CFAP46: variants seen among roughly 807,000 people sequenced by gnomAD.
The protein encoded by CFAP46 is cilia and flagella associated protein 46.
In CFAP46, 245 loss-of-function variants were observed where a neutral mutation model predicts 325.7. That is an observed-to-expected ratio of 0.75 (90% CI 0.68 to 0.84). The LOEUF is 0.84. Ranked by LOEUF, CFAP46 falls within the 40% of genes least tolerant of loss-of-function variation. The pLI, the probability that CFAP46 is intolerant of heterozygous loss-of-function variation, is 0.00. For synonymous variants in CFAP46, 1,523 were observed against 1,495.9 expected (o/e 1.02, Z -0.42); for missense variants, 3,346 against 3,543.0 (o/e 0.94, Z 1.41).
intron 35 of CFAP46, 48 bp from the exon 36 acceptor site, chr10:132,861,030 G>A: frequency 6.6e-7 from 1 of 1,519,860 alleles, no homozygotes; most frequent in African/African-American, 1.4e-5. Context: ...ACAGATGTGT[G>A]CAGGCAGGGA....
chr10:132,921,146 C>T (rs1297628685), intron 13 of CFAP46, among the ~76,000 whole-genome samples: 3 of 152,224 alleles, frequency 2.0e-5, no homozygotes, highest in South Asian at 2.1e-4. Context: ...GCTCCACTCC[C>T]GACCACCATC....
chr10:132,912,804 C>T lies in CFAP46; in HGVS notation c.2350G>A (p.Val784Met). The part of the protein sequence containing the change: ...TGHSGDPVML[V>M]TLCNTLARGL... ...CGCGCCAAGGTGTTGCAGAGCGTCA[C>T]CAGCATCACGGGGTCCCTGGGAGAC... The change falls in exon 19 of 58, where the codon GTG (valine) becomes ATG (methionine). Residue 784 changes from valine to methionine, a missense_variant. Val to Met is a conservative substitution (Grantham distance 21). Transcript: ENST00000368586. 2 of 1,549,176 alleles carry T rather than the reference C, an allele frequency of 1.3e-6. No homozygotes were observed. The highest frequency in any genetic ancestry group is 8.7e-7 in the Non-Finnish European group (1 of 1,146,616).
At chr10:132,809,031 C>G (rs1452341870) in intron 57 of CFAP46, 127 bp from the exon 58 acceptor site, 1 of 993,166 alleles carries the variant, frequency 1.0e-6, no homozygotes, top group African/African-American at 1.7e-5. Context: ...GAACACACTG[C>G]CATTCGCCAG....
At chr10:132,900,600 G>C (rs1849380449) in intron 22 of CFAP46, among the ~76,000 whole-genome samples, 1 of 152,386 alleles carries the variant, frequency 6.6e-6, no homozygotes, top group East Asian at 1.9e-4. Context: ...GGAAGGCGCT[G>C]CCCCTTGGCC....
chr10:132,847,326 G>GAC lies in CFAP46; in HGVS notation c.5953-7_5953-6dup. 1 of 1,613,400 alleles carries GAC rather than the reference G, an allele frequency of 6.2e-7. No individual in the cohort carries two copies. Among genetic ancestry groups the GAC allele is most frequent in the African/African-American group, 1.3e-5 (1 of 75,004 alleles). On this transcript the variant is annotated splice_region_variant and splice_polypyrimidine_tract_variant and intron_variant, in intron 41 of 57. Coordinates refer to ENST00000368586, the MANE Select transcript of CFAP46 (RefSeq NM_001200049.3). The surrounding 1 kb of genome is among the most constrained non-coding windows in gnomAD (Gnocchi z 5.2). ...GCCGCTCAGCTTGGCGCCCACCTGTGACACACATTGCAGGTTGGCAGACAC... is the reference window on the plus strand; with the variant it reads ...GCCGCTCAGCTTGGCGCCCACCTGTGACACACACATTGCAGGTTGGCAGACAC...
At chr10:132,814,382 G>T in intron 53 of CFAP46, 128 bp from the exon 54 acceptor site, 2 of 1,025,434 alleles carry the variant, frequency 2.0e-6, no homozygotes, top group Non-Finnish European at 2.9e-6. Flanking sequence ...ATGCCCGGGT[G>T]GGGTGATGGT....
chr10:132,924,904 G>C lies in CFAP46; in HGVS notation c.1066-18C>G, dbSNP rs1275009000. ...AGCTGGGCCTGCGGAGAAGACGTGG[G>C]GGATTCTAGGGAGGTTGCTGGCTCG... On this transcript the variant is annotated intron_variant, in intron 10 of 57. Transcript: ENST00000368586. The C allele has an allele frequency of 7.3e-7, 1 of 1,365,026 alleles. No individual in the cohort carries two copies. The highest frequency in any genetic ancestry group is 9.5e-7 in the Non-Finnish European group (1 of 1,052,186). 84.6% of individuals were successfully genotyped at this position (1,365,026 alleles called of 1,614,324 possible).
At chr10:132,922,969 C>T (rs375008804) in intron 11 of CFAP46, among the ~76,000 whole-genome samples, 4 of 152,252 alleles carry the variant, frequency 2.6e-5, no homozygotes, top group African/African-American at 7.2e-5. Context: ...GAAACCTGGG[C>T]GCTAGTGCAA....
At chr10:132,868,149 C>T (rs1383777009) in intron 33 of CFAP46, among the ~76,000 whole-genome samples, 1 of 152,180 alleles carries the variant, frequency 6.6e-6, no homozygotes, top group Non-Finnish European at 1.5e-5. Context: ...TCTGCCCAGG[C>T]CTCCCCGGCC....
At chr10:132,912,031 G>A (rs1227229901) in intron 19 of CFAP46, among the ~76,000 whole-genome samples, 1 of 152,062 alleles carries the variant, frequency 6.6e-6, no homozygotes, top group African/African-American at 2.4e-5. Flanking sequence ...GGCCTTTCCA[G>A]GAGCCTTCAG....
chr10:132,824,063 A>C (rs1394891133), intron 50 of CFAP46, among the ~76,000 whole-genome samples: 5 of 82,854 alleles, frequency 6.0e-5, no homozygotes, highest in South Asian at 4.7e-4. Flanking sequence ...GTGTGTGCTG[A>C]TGTGTGCTGA....
In CFAP46 at chr10:132,879,629, C is replaced by A; in HGVS notation, c.3802G>T (p.Glu1268Ter). ...VPEPQPTPDG[E>*]YVAVEMPPRS... ...GGGGGCATCTCCACAGCCACGTACTCCCCTGAAACACGGGGTGCCCGAGGC... is the reference window on the plus strand; with the variant it reads ...GGGGGCATCTCCACAGCCACGTACTACCCTGAAACACGGGGTGCCCGAGGC... Residue 1268 changes from glutamate (E) to a stop codon, truncating the protein, a stop_gained and splice_region_variant, in exon 29 of 58, where the codon GAG (glutamate) becomes TAG (stop). Transcript: ENST00000368586. LOFTEE classifies it high-confidence loss of function. 3.3e-6 allele frequency: 5 copies of A among 1,518,142 alleles called. No individual in the cohort carries two copies. The highest frequency in any genetic ancestry group is 1.3e-5 in the South Asian group (1 of 79,398). 94.0% of individuals were successfully genotyped at this position (1,518,142 alleles called of 1,614,324 possible). A position where few individuals can be genotyped will look rare whatever the true frequency, so the allele number is the denominator to read the frequency against.
chr10:132,914,060 G>T (rs1024765361), intron 17 of CFAP46, among the ~76,000 whole-genome samples: 2 of 146,014 alleles, frequency 1.4e-5, no homozygotes, highest in Middle Eastern at 3.4e-3. Context: ...ACTGCACCCC[G>T]GCCCGAGGCT....
intron 50 of CFAP46, among the ~76,000 whole-genome samples, chr10:132,829,929 A>C (rs1848121823): frequency 6.6e-6 from 1 of 151,914 alleles, no homozygotes; most frequent in Admixed American, 6.6e-5. Flanking sequence ...CCATTTCCTA[A>C]CATTTTGTTA....
At chr10:132,837,605 ACACG>A (rs1848278527) in intron 44 of CFAP46, among the ~76,000 whole-genome samples, 2 of 146,858 alleles carry the variant, frequency 1.4e-5, no homozygotes, top group Non-Finnish European at 3.0e-5. Flanking sequence ...GCGCACGGAC[ACACG>A]CACACGTACA....
Position 132,832,496 on chromosome 10 carries a change from A to AC in CFAP46, c.7117+861dup, listed in dbSNP as rs1848167025. 1 of 294,724 alleles carries AC rather than the reference A, an allele frequency of 3.4e-6. No homozygotes were observed. The highest frequency in any genetic ancestry group is 6.8e-6 in the Non-Finnish European group (1 of 147,568). The allele number at this position is 294,724 out of a possible 1,614,324, so 18.3% of individuals were successfully genotyped here. A position where few individuals can be genotyped will look rare whatever the true frequency, so the allele number is the denominator to read the frequency against. The stretch of plus-strand genomic sequence containing the variant: ...CTTCGAGGCCCCCCGTCCTGCGCGG[A>AC]CTGCTCGTCAATGTTTGAAAACCCT... On this transcript the variant is annotated intron_variant, in intron 50 of 57. Coordinates refer to ENST00000368586, the MANE Select transcript of CFAP46 (RefSeq NM_001200049.3). The surrounding 1 kb of genome is among the most constrained non-coding windows in gnomAD (Gnocchi z 4.1).
At position 132,817,149 on chromosome 10, in the gene CFAP46, C is replaced by CT. The variant is rs75031072; in HGVS notation, c.7118-2236dup. On this transcript the variant is annotated intron_variant, in intron 50 of 57. Transcript: ENST00000368586. This position sits in a 1 kb window ranked among gnomAD's most constrained non-coding sequence, Gnocchi z 4.4. ...CAACGGCTGCACCCCGCGGTTTTTG[C>CT]TTTTTATTGCTTTTTGTATTTAGAG... Among the ~76,000 whole-genome samples the CT allele has an allele frequency of 0.042, 6,316 of 152,188 alleles. 178 individuals carry two copies. Among genetic ancestry groups the CT allele is most frequent in the Middle Eastern group, 0.11 (31 of 294 alleles).
intron 4 of CFAP46, 81 bp downstream of exon 4, chr10:132,940,915 A>C: frequency 2.2e-6 from 3 of 1,393,130 alleles, no homozygotes; most frequent in Non-Finnish European, 3.1e-6. Context: ...CACAGTTCAA[A>C]TAAATACACC....
chr10:132,862,143 G>A (rs1222593401), intron 35 of CFAP46, among the ~76,000 whole-genome samples: 2 of 152,240 alleles, frequency 1.3e-5, no homozygotes, highest in African/African-American at 4.8e-5. Context: ...TAGGCAGGTG[G>A]GCGACTGGGC....
Sources: gnomAD v4.1 joint callset for allele counts (sites outside exome capture counted in the v4.1 genomes callset) on GRCh38, gnomAD v4.1.1 for gene constraint, Gnocchi (gnomAD v3.1) non-coding constraint, MANE v1.5 for transcripts, NCBI Gene and HGNC (gene_info 2026-07-23, HGNC 2026-07-21) for gene names.